RNF213: variants seen among roughly 807,000 people sequenced by gnomAD.
RNF213 encodes the protein ring finger protein 213, also known as E3 ubiquitin-protein ligase RNF213.
A neutral mutation model predicts 514.4 loss-of-function variants in RNF213; 341 were observed. The ratio of observed to expected loss-of-function variants is 0.66; its 90% confidence interval spans 0.61 to 0.73. The LOEUF (loss-of-function observed/expected upper bound fraction) is 0.73. Ranked by LOEUF, RNF213 falls within the 30% of genes least tolerant of loss-of-function variation. The pLI is 0.00. For synonymous variants in RNF213, 2,655 were observed against 2,658.2 expected, an observed-to-expected ratio of 1.00 and a Z score of 0.04; for missense variants, 5,767 against 6,615.6, an observed-to-expected ratio of 0.87 and a Z score of 4.45.
At chr17:80,281,527 G>GCA (rs2044287848) in intron 3 of RNF213, among the ~76,000 whole-genome samples, 1 of 19,644 alleles carries the variant, frequency 5.1e-5, no homozygotes. Flanking sequence ...ACACACACAT[G>GCA]CCCCACTCAT....
chr17:80,349,570 A>C (rs2078430117), intron 29 of RNF213, among the ~76,000 whole-genome samples, 200 bp from the exon 30 acceptor site: 1 of 152,156 alleles, frequency 6.6e-6, no homozygotes, highest in Admixed American at 6.5e-5. Context: ...CGTCTCTCCA[A>C]TGCCTTTGGC....
At chr17:80,306,779 G>A (rs899821774) in intron 12 of RNF213, among the ~76,000 whole-genome samples, 1 of 151,666 alleles carries the variant, frequency 6.6e-6, no homozygotes, top group Non-Finnish European at 1.5e-5. Context: ...GTGAACCCGG[G>A]AGGCGGAGCT....
chr17:80,345,266 G>C lies in RNF213; in HGVS notation c.6931G>C (p.Asp2311His), dbSNP rs770544917. The part of the protein sequence containing the change: ...EPHPYVFFND[D>H]HTTMTFIGFH... ...TCACCCATACGTTTTCTTCAATGAC[G>C]ACCACACAACCATGACATTCATCGG... Residue 2311 changes from aspartate (D) to histidine (H), a missense_variant, in exon 29 of 68, where the codon GAC becomes CAC. Physicochemically the swap from Asp to His is moderately conservative, Grantham distance 81. Transcript: ENST00000582970. The surrounding 1 kb of genome is among the most constrained non-coding windows in gnomAD (Gnocchi z 6.0). The C allele has an allele frequency of 6.2e-7, 1 of 1,613,986 alleles. No homozygotes were observed. Among genetic ancestry groups the C allele is most frequent in the Non-Finnish European group, 8.5e-7 (1 of 1,180,012 alleles).
intron 3 of RNF213, among the ~76,000 whole-genome samples, chr17:80,284,543 C>CA (rs1409954055): frequency 1.3e-4 from 18 of 142,240 alleles, no homozygotes; most frequent in Non-Finnish European, 2.3e-4. Context: ...GACTCCATCT[C>CA]AAAAAAAGAA....
At chr17:80,314,890 A>T (rs868344538) in intron 15 of RNF213, among the ~76,000 whole-genome samples, 1 of 3,516 alleles carries the variant, frequency 2.8e-4, no homozygotes, top group Non-Finnish European at 4.6e-4. Context: ...GTGGTGGTGG[A>T]GGTGATGGTG....
At position 80,288,186 on chromosome 17, in the gene RNF213, T is replaced by TG; in HGVS notation, c.638dup (p.Arg214GlnfsTer16). The TG allele has an allele frequency of 6.2e-7, 1 of 1,612,522 alleles. No individual in the cohort carries two copies. The highest frequency in any genetic ancestry group is 8.5e-7 in the Non-Finnish European group (1 of 1,179,348). On this transcript the variant is annotated frameshift_variant, in exon 4 of 68. Transcript: ENST00000582970. LOFTEE classifies it high-confidence loss of function. This position sits in a 1 kb window ranked among gnomAD's most constrained non-coding sequence, Gnocchi z 4.9. ...AGGACCAGGACGCTTCCATCCCCTC[T>TG]GGGGGCAGAGGCCTGTCCCAGGAGG... is the stretch of plus-strand genomic sequence containing the variant.
intron 26 of RNF213, 43 bp downstream of exon 26, chr17:80,340,399 C>G: frequency 6.6e-7 from 1 of 1,520,760 alleles, no homozygotes; most frequent in South Asian, 1.2e-5. Context: ...CTCCCAGGGA[C>G]TGCCCGGGGC....
chr17:80,374,692 G>C, intron 50 of RNF213, 103 bp downstream of exon 50: 2 of 1,412,110 alleles, frequency 1.4e-6, no homozygotes, highest in Admixed American at 1.9e-5. Flanking sequence ...GACCACTGAT[G>C]CAGCCCATCA....
At position 80,383,070 on chromosome 17, in the gene RNF213, G is replaced by GTT; in HGVS notation, c.14070_14070+1insTT (p.His4691PhefsTer3). On this transcript the variant is annotated frameshift_variant and splice_region_variant. Transcript: ENST00000582970. LOFTEE classifies it high-confidence loss of function. ...CAGCTGTGATTTCTCCTGAACTGGA[G>GTT]GTAAGCAGTAAGTGCTGACAGCTGG... The GTT allele has an allele frequency of 1.2e-6, 2 of 1,610,494 alleles. No individual in the cohort carries two copies. Among genetic ancestry groups the GTT allele is most frequent in the South Asian group, 2.2e-5 (2 of 90,992 alleles).
In RNF213 at chr17:80,385,157, G is replaced by C; in HGVS notation, c.14441G>C (p.Ser4814Thr). The change falls in exon 60 of 68, where the codon AGC becomes ACC. Residue 4814 changes from serine to threonine, a missense_variant. By Grantham distance (58) the Ser-to-Thr change is moderately conservative (BLOSUM62 1). Around this residue, in one of 13 missense-constraint regions of RNF213, gnomAD observed 1,245 missense variants for 1,339.0 expected, o/e 0.93. Coordinates refer to ENST00000582970, the MANE Select transcript of RNF213 (RefSeq NM_001256071.3). ...TACAGCTCCATCAGAGGCTTCCTCA[G>C]CAAGCACAGCTCAGGTGTGGCTCTG... Reference protein sequence around the residue: ...VEYSSIRGFLSKHSSDGLRQL... With the variant: ...VEYSSIRGFLTKHSSDGLRQL... The C allele has an allele frequency of 6.2e-7, 1 of 1,614,160 alleles. No homozygotes were observed. The highest frequency in any genetic ancestry group is 1.3e-5 in the African/African-American group (1 of 75,032).
intron 50 of RNF213, 46 bp downstream of exon 50, chr17:80,374,635 T>C: frequency 1.2e-6 from 2 of 1,609,158 alleles, no homozygotes; most frequent in Non-Finnish European, 1.7e-6. Flanking sequence ...TGGCATCCCT[T>C]GGAGCCTGCA....
rs1461879885 is a variant in RNF213, at chr17:80,383,938, G to A, written c.14322+10G>A. Reference sequence around the variant, plus strand: ...GCATTTCCTGCAGAAGGTATGTCTGGCTTACTGTGGCTCCCTCCCTCTTTC... The same window carrying A: ...GCATTTCCTGCAGAAGGTATGTCTGACTTACTGTGGCTCCCTCCCTCTTTC... On this transcript the variant is annotated intron_variant, in intron 59 of 67. Transcript: ENST00000582970. 1.9e-6 allele frequency: 3 copies of A among 1,614,010 alleles called. No homozygotes were observed.
Position 80,345,167 on chromosome 17 carries a change from A to G in RNF213, c.6832A>G (p.Met2278Val). ...CTCTGACCAAAGCCCGGGGAAGCAC[A>G]TGGTCACCATGGATGGGGTTAGGGA... is the stretch of plus-strand genomic sequence containing the variant. ...HTSDQSPGKHMVTMDGVREED... is the reference protein window; with the variant it reads ...HTSDQSPGKHVVTMDGVREED... Residue 2278 changes from methionine (M) to valine (V), a missense_variant, in exon 29 of 68, where the codon ATG becomes GTG. Coordinates refer to ENST00000582970, the MANE Select transcript of RNF213 (RefSeq NM_001256071.3). This position sits in a 1 kb window ranked among gnomAD's most constrained non-coding sequence, Gnocchi z 6.0. The G allele has an allele frequency of 6.2e-7, 1 of 1,614,112 alleles. No homozygotes were observed. Among genetic ancestry groups the G allele is most frequent in the Non-Finnish European group, 8.5e-7 (1 of 1,180,012 alleles).
intron 3 of RNF213, among the ~76,000 whole-genome samples, chr17:80,274,242 A>G (rs1598892893): frequency 6.6e-6 from 1 of 151,882 alleles, no homozygotes; most frequent in Non-Finnish European, 1.5e-5. Context: ...TGGCTGAGCC[A>G]CCTTTTGGCT....
intron 42 of RNF213, among the ~76,000 whole-genome samples, chr17:80,367,269 A>G (rs1054341099): frequency 3.9e-5 from 6 of 152,208 alleles, no homozygotes; most frequent in Non-Finnish European, 5.9e-5. Flanking sequence ...ATCTCTGGGG[A>G]GGGACGGAGG....
Position 80,291,616 on chromosome 17 carries a change from G to T in RNF213, c.1272-12G>T. ...AATTTTGGATAGCCAACCGTATCCT[G>T]TTCATTCACAGAGACTTGGGTCATG... On this transcript the variant is annotated splice_polypyrimidine_tract_variant and intron_variant, in intron 7 of 67. Transcript: ENST00000582970. 1.9e-6 allele frequency: 3 copies of T among 1,614,048 alleles called. No individual in the cohort carries two copies. The highest frequency in any genetic ancestry group is 2.5e-6 in the Non-Finnish European group (3 of 1,179,904).
chr17:80,291,651 T>G lies in RNF213; in HGVS notation c.1295T>G (p.Leu432Arg), dbSNP rs1259091768. Residue 432 changes from leucine to arginine, a missense_variant, in exon 8 of 68, where the codon CTT (leucine) becomes CGT (arginine). By Grantham distance (102) the Leu-to-Arg change is moderately radical (BLOSUM62 -2). Transcript: ENST00000582970. ...AGAGACTTGGGTCATGACCGCGTTC[T>G]TGTTGAAGGCATTGTCTGCATTTCC... Reference protein sequence around the residue: ...YTRDLGHDRVLVEGIVCISKK... With the variant: ...YTRDLGHDRVRVEGIVCISKK... 5.0e-6 allele frequency: 8 copies of G among 1,614,238 alleles called. No individual in the cohort carries two copies. The South Asian group carries it at 7.7e-5, about 16-fold the overall frequency.
At chr17:80,350,509 A>T in intron 31 of RNF213, 113 bp downstream of exon 31, 1 of 715,164 alleles carries the variant, frequency 1.4e-6, no homozygotes, top group Non-Finnish European at 2.5e-6. Context: ...TAGAAATAAA[A>T]ATAACAATTC....
intron 3 of RNF213, among the ~76,000 whole-genome samples, chr17:80,282,169 C>A (rs964308428): frequency 1.2e-4 from 18 of 152,156 alleles, no homozygotes; most frequent in Admixed American, 5.2e-4. Context: ...CGACACCATG[C>A]ACTTTAATTC....
Sources: gnomAD v4.1 joint callset for allele counts (sites outside exome capture counted in the v4.1 genomes callset) on GRCh38, gnomAD v4.1.1 for gene constraint, gnomAD v4.1.1 regional missense constraint, Gnocchi (gnomAD v3.1) non-coding constraint, MANE v1.5 for transcripts, NCBI Gene and HGNC (gene_info 2026-07-23, HGNC 2026-07-21) for gene names.